SAMD12: variants seen among roughly 807,000 people sequenced by gnomAD.
SAMD12 encodes the protein sterile alpha motif domain containing 12.
SAMD12 carries 9 observed loss-of-function variants against 15.0 expected under a neutral mutation model. That is an observed-to-expected ratio of 0.60 (90% CI 0.36 to 1.05). The LOEUF (loss-of-function observed/expected upper bound fraction) is 1.05. SAMD12 is among the 50% of genes least tolerant of loss of function. SAMD12 has a pLI of 0.01. For synonymous variants in SAMD12, 86 were observed against 90.1 expected, an observed-to-expected ratio of 0.96 and a Z score of 0.25; for missense variants, 230 against 234.2, an observed-to-expected ratio of 0.98 and a Z score of 0.12.
chr8:118,150,553 G>A, the SAMD12 span, among the ~76,000 whole-genome samples: 1 of 152,002 alleles, frequency 6.6e-6, no homozygotes, highest in African/African-American at 2.4e-5. Flanking sequence ...ATTTTTTGTA[G>A]AGATGGGCTC....
chr8:118,289,429 C>A (rs1586442040), intron 4 of SAMD12, among the ~76,000 whole-genome samples: 1 of 152,160 alleles, frequency 6.6e-6, no homozygotes, highest in African/African-American at 2.4e-5. Context: ...ATCAAAATGG[C>A]AGGCAGTTAA....
intron 4 of SAMD12, among the ~76,000 whole-genome samples, chr8:118,223,893 T>C (rs1352164236): frequency 6.6e-6 from 1 of 152,204 alleles, no homozygotes; most frequent in Non-Finnish European, 1.5e-5. Flanking sequence ...AGGTGGCTCC[T>C]GGCCTCAGTT....
chr8:118,459,476 C>T (rs1022508008), intron 2 of SAMD12, among the ~76,000 whole-genome samples: 1 of 152,154 alleles, frequency 6.6e-6, no homozygotes, highest in Admixed American at 6.5e-5. Flanking sequence ...TCTTCATGTT[C>T]TACTTTAAAA....
intron 4 of SAMD12, among the ~76,000 whole-genome samples, chr8:118,248,215 T>A (rs1812739533): frequency 6.6e-6 from 1 of 152,152 alleles, no homozygotes. Flanking sequence ...ATAGCCTGAT[T>A]TCAAATAATT....
intron 2 of SAMD12, among the ~76,000 whole-genome samples, chr8:118,568,066 G>T (rs1826898759): frequency 6.6e-6 from 1 of 152,200 alleles, no homozygotes; most frequent in Admixed American, 6.5e-5. Context: ...CATAAATTAT[G>T]TATGGTTTTA....
chr8:118,336,208 G>C (rs1477297235), intron 4 of SAMD12, among the ~76,000 whole-genome samples: 1 of 152,168 alleles, frequency 6.6e-6, no homozygotes, highest in East Asian at 1.9e-4. Flanking sequence ...AATACCAGGA[G>C]TTTCCTTCTA....
At chr8:118,590,818 T>G (rs1164962404) in intron 1 of SAMD12, among the ~76,000 whole-genome samples, 1 of 152,094 alleles carries the variant, frequency 6.6e-6, no homozygotes, top group South Asian at 2.1e-4. Context: ...GACAGAGACA[T>G]CAGAACTATC....
intron 3 of SAMD12, among the ~76,000 whole-genome samples, chr8:118,386,361 G>C (rs546368597): frequency 6.6e-6 from 1 of 152,090 alleles, no homozygotes; most frequent in Non-Finnish European, 1.5e-5. Flanking sequence ...CTCCTCTTGC[G>C]CGTGTATAAT....
At chr8:118,305,013 G>A (rs1176260178) in intron 4 of SAMD12, among the ~76,000 whole-genome samples, 1 of 150,074 alleles carries the variant, frequency 6.7e-6, no homozygotes, top group Non-Finnish European at 1.5e-5. Context: ...GACAGGTGTG[G>A]TGGTGGGCGC....
chr8:118,308,235 T>C (rs547416649), intron 4 of SAMD12, among the ~76,000 whole-genome samples: 164 of 152,304 alleles, frequency 1.1e-3, no homozygotes, highest in African/African-American at 3.5e-3. Flanking sequence ...ATACAGGCTG[T>C]TTGGCTCTGA....
At chr8:118,502,085 G>C (rs1824800502) in intron 2 of SAMD12, among the ~76,000 whole-genome samples, 1 of 151,008 alleles carries the variant, frequency 6.6e-6, no homozygotes, top group Non-Finnish European at 1.5e-5. Flanking sequence ...GGCCAAGCTT[G>C]TATATTTCTA....
chr8:118,470,891 C>T (rs2514996), intron 2 of SAMD12, among the ~76,000 whole-genome samples: 113,765 of 152,128 alleles, frequency 0.75, 42,659 homozygotes, highest in Admixed American at 0.78. Context: ...TGACATAAGA[C>T]AGTAATGATT....
intron 3 of SAMD12, among the ~76,000 whole-genome samples, chr8:118,421,058 T>C (rs1190803670): frequency 2.0e-5 from 3 of 152,244 alleles, no homozygotes; most frequent in African/African-American, 7.2e-5. Context: ...AAACCCAGTT[T>C]AGAAGAATCC....
intron 2 of SAMD12, among the ~76,000 whole-genome samples, chr8:118,472,139 T>A (rs1036979819): frequency 6.6e-6 from 1 of 151,772 alleles, no homozygotes; most frequent in Non-Finnish European, 1.5e-5. Context: ...TACAAAAAAT[T>A]AGCCGGGCGT....
chr8:118,461,301 C>T (rs1274478330), intron 2 of SAMD12, among the ~76,000 whole-genome samples: 4 of 152,230 alleles, frequency 2.6e-5, no homozygotes, highest in Admixed American at 2.0e-4. Flanking sequence ...TTGCTTTATA[C>T]AATTGGCTAT....
downstream of SAMD12, among the ~76,000 whole-genome samples, chr8:118,374,122 G>T (rs1363291411): frequency 6.6e-6 from 1 of 151,968 alleles, no homozygotes; most frequent in African/African-American, 2.4e-5. Context: ...TTGCAAAACT[G>T]AAACTTGTAC....
chr8:118,329,514 G>A (rs1816716563), intron 4 of SAMD12, among the ~76,000 whole-genome samples: 1 of 152,122 alleles, frequency 6.6e-6, no homozygotes, highest in East Asian at 1.9e-4. Context: ...CATCTTCAAA[G>A]GTCTGGAGTG....
At position 118,585,880 on chromosome 8, in the gene SAMD12, A is replaced by G. The variant is rs1274220104; in HGVS notation, c.14-4987T>C. 2.0e-5 allele frequency among the ~76,000 whole-genome samples: 3 copies of G among 152,322 alleles called. No individual in the cohort carries two copies. The East Asian group carries it at 5.8e-4, about 29-fold the overall frequency. The stretch of plus-strand genomic sequence containing the variant: ...TGTTTTCTCTGCTCACAGTGATGCT[A>G]GAAGAGTTGAGGGGTGCATTGGCAT... On this transcript the variant is annotated intron_variant, in intron 1 of 3. Transcript: ENST00000314727.
At chr8:118,595,922 T>C (rs1411807174) in intron 1 of SAMD12, among the ~76,000 whole-genome samples, 1 of 152,240 alleles carries the variant, frequency 6.6e-6, no homozygotes, top group African/African-American at 2.4e-5. Context: ...CCCCTCCCCT[T>C]ATGGCAGAGT....
Sources: gnomAD v4.1 joint callset for allele counts (sites outside exome capture counted in the v4.1 genomes callset) on GRCh38, gnomAD v4.1.1 for gene constraint, MANE v1.5 for transcripts, NCBI Gene and HGNC (gene_info 2026-07-23, HGNC 2026-07-21) for gene names.